ARHGEF1: variants seen among roughly 807,000 people sequenced by gnomAD.
ARHGEF1 encodes 115 kDa guanine nucleotide exchange factor.
Under a neutral mutation model 119.7 loss-of-function variants are expected in ARHGEF1, and 40 were observed. That is an observed-to-expected ratio of 0.33 (90% CI 0.26 to 0.44). The LOEUF (loss-of-function observed/expected upper bound fraction) is 0.44. Ranked by LOEUF, ARHGEF1 falls within the 20% of genes least tolerant of loss-of-function variation. ARHGEF1 has a pLI of 1.00. For synonymous variants in ARHGEF1, 494 were observed against 521.0 expected (o/e 0.95, Z 0.71); for missense variants, 976 against 1,268.3 (o/e 0.77, Z 3.50).
downstream of ARHGEF1, chr19:41,909,784 C>T (rs1555851099): frequency 1.4e-6 from 2 of 1,446,180 alleles, no homozygotes; most frequent in African/African-American, 2.8e-5. The surrounding 1 kb of genome is among the most constrained non-coding windows in gnomAD (Gnocchi z 5.2). Flanking sequence ...AGGAACCTGC[C>T]CCAGGATGCA....
Position 41,898,484 on chromosome 19 carries a change from G to A in ARHGEF1, c.1164G>A (p.Leu388=), listed in dbSNP as rs1555848387. Reference sequence around the variant, plus strand: ...AGGGGGAGCCGGGGCGGTCGGGACTGGAGCTTGAACCAGAAGAGCCTCCCG... The same window carrying A: ...AGGGGGAGCCGGGGCGGTCGGGACTAGAGCTTGAACCAGAAGAGCCTCCCG... The part of the protein sequence containing the change: ...GDEGEPGRSG[L]ELEPEEPPGW... Residue 388 remains leucine (L), a synonymous_variant, in exon 14 of 29, where the codon CTG becomes CTA. Transcript: ENST00000354532. 6.4e-7 allele frequency: 1 copy of A among 1,551,690 alleles called. No individual in the cohort carries two copies.
At chr19:41,910,062 A>G (rs1162823412), downstream of ARHGEF1, 1 of 1,613,106 alleles carries the variant, frequency 6.2e-7, no homozygotes, top group African/African-American at 1.3e-5. This position sits in a 1 kb window ranked among gnomAD's most constrained non-coding sequence, Gnocchi z 4.4. Context: ...CCAGGGGATG[A>G]CTCTGGCTTG....
chr19:41,894,906 G>T (rs2074454884), intron 11 of ARHGEF1, among the ~76,000 whole-genome samples: 1 of 110,292 alleles, frequency 9.1e-6, no homozygotes, highest in Admixed American at 7.6e-5. Flanking sequence ...CTGGACCCCT[G>T]GCTCTGAGGG....
intron 8 of ARHGEF1, 43 bp from the exon 9 acceptor site, chr19:41,894,164 G>GTGTGTGTGTC: frequency 8.3e-7 from 1 of 1,198,832 alleles, no homozygotes; most frequent in Admixed American, 2.4e-5. Flanking sequence ...GTGTGTGTGT[G>GTGTGTGTGTC]TGTCTTTGTG....
chr19:41,914,130 C>T (rs963061684), intron 18 of ARHGEF1, among the ~76,000 whole-genome samples: 12 of 148,758 alleles, frequency 8.1e-5, no homozygotes, highest in Non-Finnish European at 1.8e-4. Flanking sequence ...CCCTCAGACT[C>T]GCCCGGTCTC....
chr19:41,884,656 G>T (rs1175771547), intron 1 of ARHGEF1, among the ~76,000 whole-genome samples: 1 of 152,052 alleles, frequency 6.6e-6, no homozygotes, highest in Non-Finnish European at 1.5e-5. Flanking sequence ...GCCTCATTCC[G>T]TATAAAGTCT....
At position 41,917,025 on chromosome 19, in the gene ARHGEF1, T is replaced by C. The variant is rs2074805765; in HGVS notation, c.1866-6067T>C. Among the ~76,000 whole-genome samples the C allele has an allele frequency of 6.6e-6, 1 of 152,130 alleles. No individual in the cohort carries two copies. Among genetic ancestry groups the C allele is most frequent in the Admixed American group, 6.5e-5 (1 of 15,280 alleles). ...CTCTGCATGGGTGTGTGTGTGTGTG[T>C]GCACATATGTGACACGTGCCCTTGT... On this transcript the variant is annotated intron_variant, in intron 18 of 20. Coordinates refer to the ARHGEF1 transcript ENST00000599589. This position sits in a 1 kb window ranked among gnomAD's most constrained non-coding sequence, Gnocchi z 4.8.
At chr19:41,918,357 C>T (rs1034906077), upstream of ARHGEF1, among the ~76,000 whole-genome samples, 1 of 151,094 alleles carries the variant, frequency 6.6e-6, no homozygotes, top group East Asian at 2.0e-4. Context: ...ACACCATACA[C>T]ACACCATACC....
At position 41,902,946 on chromosome 19, in the gene ARHGEF1, TA is replaced by T; in HGVS notation, c.1738+49del. ...GGCCTCGGCTCTCCTCTTTTTTTTTTACATTTTTTTTCTCACTCATTTTCAT... is the reference window on the plus strand; with the variant it reads ...GGCCTCGGCTCTCCTCTTTTTTTTTTCATTTTTTTTCTCACTCATTTTCAT... On this transcript the variant is annotated intron_variant, in intron 18 of 28. Coordinates refer to ENST00000354532, the MANE Select transcript of ARHGEF1 (RefSeq NM_004706.4). The surrounding 1 kb of genome is among the most constrained non-coding windows in gnomAD (Gnocchi z 6.5). 2 of 1,448,044 alleles carry T rather than the reference TA, an allele frequency of 1.4e-6. No homozygotes were observed. 89.7% of individuals were successfully genotyped at this position (1,448,044 alleles called of 1,614,324 possible).
rs782167604 is a variant in ARHGEF1 at position 41,904,030 on chromosome 19, C to T, written c.1918-5C>T. On this transcript the variant is annotated splice_polypyrimidine_tract_variant and splice_region_variant and intron_variant, in intron 20 of 28. Transcript: ENST00000354532. The surrounding 1 kb of genome is among the most constrained non-coding windows in gnomAD (Gnocchi z 8.4). ...TGCACAAACCATCACCCCCTCCTGC[C>T]CCAGAACCTGGACATCACCAAGAAG... is the stretch of plus-strand genomic sequence containing the variant. 1.7e-5 allele frequency: 28 copies of T among 1,613,968 alleles called. No individual in the cohort carries two copies. The highest frequency in any genetic ancestry group is 2.2e-5 in the Non-Finnish European group (26 of 1,180,018).
chr19:41,895,207 G>A, intron 11 of ARHGEF1, 142 bp from the exon 12 acceptor site: 2 of 1,124,142 alleles, frequency 1.8e-6, no homozygotes, highest in Non-Finnish European at 2.5e-6. Flanking sequence ...AGGAGGGGTT[G>A]AGGGCTCCTG....
chr19:41,927,998 C>T (rs1341939845), intron 1 of ARHGEF1: 1 of 152,162 alleles, frequency 6.6e-6, no homozygotes, highest in South Asian at 2.1e-4. Flanking sequence ...CGGGAATCCC[C>T]GCCCCCTCCC....
intron 14 of ARHGEF1, 122 bp downstream of exon 14, chr19:41,898,709 A>C (rs1290263329): frequency 7.9e-7 from 1 of 1,269,992 alleles, no homozygotes; most frequent in Non-Finnish European, 1.1e-6. Flanking sequence ...ACTTGAAGGC[A>C]GCTTCAAATT....
rs782662361 is a variant in ARHGEF1 at position 41,906,039 on chromosome 19, G to C, written c.2491+14G>C. ...CCCTTCGGAAAGGTAGCCCAGCTCT[G>C]CCCCTCCAGGGTGGCCACCAGCCCA... On this transcript the variant is annotated intron_variant, in intron 26 of 28. Transcript: ENST00000354532. This position sits in a 1 kb window ranked among gnomAD's most constrained non-coding sequence, Gnocchi z 4.5. 1.2e-6 allele frequency: 2 copies of C among 1,612,652 alleles called. No homozygotes were observed. Among genetic ancestry groups the C allele is most frequent in the East Asian group, 2.2e-5 (1 of 44,874 alleles).
chr19:41,885,763 T>G (rs1336526217), intron 1 of ARHGEF1, among the ~76,000 whole-genome samples: 3 of 147,762 alleles, frequency 2.0e-5, no homozygotes, highest in African/African-American at 7.6e-5. Context: ...CCTAGCCTAT[T>G]TTATTTTAAG....
intron 12 of ARHGEF1, 96 bp downstream of exon 12, chr19:41,895,582 C>T (rs2074470857): frequency 7.5e-7 from 1 of 1,333,122 alleles, no homozygotes; most frequent in Non-Finnish European, 1.0e-6. Context: ...AGCCATTCCC[C>T]AGCAACACCT....
intron 11 of ARHGEF1, 66 bp from the exon 12 acceptor site, chr19:41,895,283 C>A: frequency 6.5e-7 from 1 of 1,541,358 alleles, no homozygotes; most frequent in Non-Finnish European, 8.8e-7. Context: ...TCTTGCATCC[C>A]CTGGCGGTTG....
At chr19:41,928,071 G>A (rs1412674377) in intron 1 of ARHGEF1, 1 of 152,166 alleles carries the variant, frequency 6.6e-6, no homozygotes, top group Non-Finnish European at 1.5e-5. Context: ...CTCCGGTCCG[G>A]GGAGAAGTGT....
At position 41,894,226 on chromosome 19, in the gene ARHGEF1, A is replaced by G. The variant is rs782191723; in HGVS notation, c.664A>G (p.Ile222Val). ...EEKSAAVVNA[I>V]GLYMRHLGVR... ...CTACAGTGCTGCCGTGGTCAACGCC[A>G]TTGGCCTGTACATGCGCCACCTTGG... Residue 222 changes from isoleucine (I) to valine (V), a missense_variant, in exon 9 of 29, where the codon ATT (isoleucine) becomes GTT (valine). By Grantham distance (29) the Ile-to-Val change is conservative (BLOSUM62 3). This residue lies in a region of ARHGEF1 where 519 missense variants were observed against 580.9 expected (regional missense o/e 0.89). Transcript: ENST00000354532. The G allele has an allele frequency of 7.1e-6, 11 of 1,545,516 alleles. No individual in the cohort carries two copies. Among genetic ancestry groups the G allele is most frequent in the Non-Finnish European group, 8.7e-7 (1 of 1,143,882 alleles).
Sources: allele counts gnomAD v4.1 joint callset (sites outside exome capture counted in the v4.1 genomes callset), GRCh38; gene constraint gnomAD v4.1.1; regional missense constraint gnomAD v4.1.1; non-coding constraint Gnocchi (gnomAD v3.1); transcripts MANE v1.5; gene names NCBI Gene and HGNC (gene_info 2026-07-23, HGNC 2026-07-21).